KLHL13: variants seen among roughly 807,000 people sequenced by gnomAD.
KLHL13 encodes the protein kelch-like protein 13.
A neutral mutation model predicts 37.1 loss-of-function variants in KLHL13; 10 were observed. The ratio of observed to expected loss-of-function variants is 0.27; its 90% CI spans 0.17 to 0.46. The LOEUF is 0.46. Among genes scored for constraint, KLHL13 ranks in the 20% least tolerant of loss-of-function variants. KLHL13 has a pLI of 1.00. For synonymous variants in KLHL13, 163 were observed against 181.2 expected (o/e 0.90, Z 0.81); for missense variants, 360 against 509.3 (o/e 0.71, Z 2.82).
chrX:118,050,150 T>C (rs1427720248), intron 1 of KLHL13, among the ~76,000 whole-genome samples: 3 of 111,727 alleles, frequency 2.7e-5, no homozygotes, highest in African/African-American at 9.8e-5. Context: ...CCTCCCAAAG[T>C]GTTGGGATTA....
chrX:118,011,577 G>A (rs1002215695), intron 1 of KLHL13, among the ~76,000 whole-genome samples: 2 of 111,007 alleles, frequency 1.8e-5, no homozygotes, highest in African/African-American at 6.6e-5. Flanking sequence ...ACAGCAGGGG[G>A]AGTGAATTGG....
intron 1 of KLHL13, among the ~76,000 whole-genome samples, chrX:117,962,057 A>AATAATAATAATAATAATAATAATC (rs2053307793): frequency 9.4e-6 from 1 of 106,811 alleles, no homozygotes; most frequent in African/African-American, 3.5e-5. Context: ...TAATAATAAT[A>AATAATAATAATAATAATAATAATC]ATAATAAGCT....
intron 2 of KLHL13, among the ~76,000 whole-genome samples, chrX:117,942,474 T>C (rs1384635054): frequency 9.0e-6 from 1 of 111,641 alleles, no homozygotes; most frequent in Non-Finnish European, 1.9e-5. Flanking sequence ...AGTCTCTTTG[T>C]AGATCTCTAC....
chrX:118,116,962 C>G (rs1400865213), upstream of KLHL13: 2 of 110,842 alleles, frequency 1.8e-5, no homozygotes, highest in African/African-American at 6.6e-5. Context: ...GGGGCTAGGA[C>G]GGTGTGTGGG....
chrX:117,907,564 G>A (rs187753744), intron 5 of KLHL13, among the ~76,000 whole-genome samples: 1 of 111,498 alleles, frequency 9.0e-6, no homozygotes, highest in East Asian at 2.8e-4. Flanking sequence ...GCACCTTCTA[G>A]ATATTTCCAG....
intron 1 of KLHL13, among the ~76,000 whole-genome samples, chrX:118,094,645 G>T (rs1341483149): frequency 9.0e-6 from 1 of 110,779 alleles, no homozygotes; most frequent in Non-Finnish European, 1.9e-5. Flanking sequence ...AGAGAGAAAG[G>T]TCGGGTTACC....
chrX:118,033,358 C>G (rs2054386268), intron 1 of KLHL13, among the ~76,000 whole-genome samples: 2 of 111,264 alleles, frequency 1.8e-5, no homozygotes, highest in African/African-American at 6.5e-5. Flanking sequence ...TCGGGTTACC[C>G]TCAAAGGGAA....
At chrX:118,086,226 A>G (rs760717464) in intron 1 of KLHL13, among the ~76,000 whole-genome samples, 54 of 111,920 alleles carry the variant, frequency 4.8e-4, no homozygotes, top group Non-Finnish European at 9.2e-4. Flanking sequence ...GTGAGCCACC[A>G]TGCCCGGATG....
intron 1 of KLHL13, among the ~76,000 whole-genome samples, chrX:118,096,399 T>C (rs1212785022): frequency 8.9e-6 from 1 of 111,822 alleles, no homozygotes; most frequent in Non-Finnish European, 1.9e-5. Flanking sequence ...AATCTCTGAA[T>C]AGACCAATAA....
At chrX:118,039,857 A>C (rs2054489253) in intron 1 of KLHL13, among the ~76,000 whole-genome samples, 1 of 110,818 alleles carries the variant, frequency 9.0e-6, no homozygotes, top group Non-Finnish European at 1.9e-5. Flanking sequence ...TGCTGGTGTC[A>C]CCTCTCCCTC....
At chrX:117,968,176 T>C (rs1187090209) in intron 1 of KLHL13, among the ~76,000 whole-genome samples, 1 of 111,144 alleles carries the variant, frequency 9.0e-6, no homozygotes, top group Non-Finnish European at 1.9e-5. Flanking sequence ...TTTTTTTTTC[T>C]ATATAGCTCT....
At chrX:117,903,135 AACAC>A (rs751986919) in intron 5 of KLHL13, among the ~76,000 whole-genome samples, 29 of 99,795 alleles carry the variant, frequency 2.9e-4, no homozygotes, top group African/African-American at 1.0e-3. Context: ...TGACAGGCAA[AACAC>A]ACACACACAC....
chrX:118,066,419 C>T (rs1483674838), intron 1 of KLHL13, among the ~76,000 whole-genome samples: 1 of 111,622 alleles, frequency 9.0e-6, no homozygotes, highest in Non-Finnish European at 1.9e-5. Flanking sequence ...AACACATTTT[C>T]ATAACATATT....
chrX:118,001,887 A>C (rs2053925349), intron 1 of KLHL13, among the ~76,000 whole-genome samples: 1 of 107,657 alleles, frequency 9.3e-6, no homozygotes, highest in South Asian at 4.0e-4. Flanking sequence ...AAAAAAAAAA[A>C]GCCTCCAGTA....
exon 2 of KLHL13, chrX:117,945,524 G>A (rs768169737): frequency 3.0e-5 from 36 of 1,205,767 alleles, no homozygotes; most frequent in Middle Eastern, 2.3e-4. Context: ...GGCCCATTTC[G>A]CTGCCTCCAA....
At chrX:117,964,751 T>C (rs903033127) in intron 1 of KLHL13, among the ~76,000 whole-genome samples, 12 of 110,680 alleles carry the variant, frequency 1.1e-4, no homozygotes, top group East Asian at 2.9e-4. Context: ...CCCCACCCCA[T>C]AACAGTCCCC....
At chrX:118,024,734 C>G (rs1185981915) in intron 1 of KLHL13, among the ~76,000 whole-genome samples, 2 of 111,794 alleles carry the variant, frequency 1.8e-5, no homozygotes, top group Non-Finnish European at 3.8e-5. Context: ...CTAACAATAT[C>G]AAGTGTTAGT....
chrX:117,899,124 G>A (rs1351769086), exon 7 of KLHL13: 1 of 1,210,070 alleles, frequency 8.3e-7, no homozygotes, highest in East Asian at 3.0e-5. Context: ...TATTTTCGAA[G>A]ACAGCGACCC....
At chrX:118,015,583 T>C (rs1204574195) in intron 1 of KLHL13, among the ~76,000 whole-genome samples, 1 of 111,064 alleles carries the variant, frequency 9.0e-6, no homozygotes, top group Non-Finnish European at 1.9e-5. Flanking sequence ...ATGACTGAAA[T>C]TGGAGTAGCA....
Sources: gnomAD v4.1 joint callset for allele counts (sites outside exome capture counted in the v4.1 genomes callset) on GRCh38, gnomAD v4.1.1 for gene constraint, MANE v1.5 for transcripts, NCBI Gene and HGNC (gene_info 2026-07-23, HGNC 2026-07-21) for gene names.